CORO2B: variants seen among roughly 807,000 people sequenced by gnomAD.
The protein encoded by CORO2B is coronin 2B, also known as coronin-2B.
Under a neutral mutation model 58.8 loss-of-function variants are expected in CORO2B, and 26 were observed. The ratio of observed to expected loss-of-function variants is 0.44; its 90% CI spans 0.32 to 0.61. The LOEUF is 0.61. Ranked by LOEUF, CORO2B falls within the 20% of genes least tolerant of loss-of-function variation. The pLI, the probability that CORO2B is intolerant of heterozygous loss-of-function variation, is 0.04. For synonymous variants in CORO2B, 242 were observed against 253.8 expected, an observed-to-expected ratio of 0.95 and a Z score of 0.44; for missense variants, 460 against 645.1, an observed-to-expected ratio of 0.71 and a Z score of 3.11.
chr15:68,704,784 G>A (rs1483876316), intron 3 of CORO2B, among the ~76,000 whole-genome samples: 1 of 152,114 alleles, frequency 6.6e-6, no homozygotes, highest in Non-Finnish European at 1.5e-5. Context: ...CTGACCCAGG[G>A]ACCTGTAAAG....
intron 2 of CORO2B, among the ~76,000 whole-genome samples, chr15:68,669,328 G>A (rs1275200987): frequency 6.6e-6 from 1 of 152,190 alleles, no homozygotes; most frequent in African/African-American, 2.4e-5. Context: ...ACACAACTGG[G>A]TGTGTGAAAT....
chr15:68,697,377 T>C (rs1460050262), intron 3 of CORO2B, among the ~76,000 whole-genome samples: 6 of 152,174 alleles, frequency 3.9e-5, no homozygotes, highest in African/African-American at 1.4e-4. Flanking sequence ...GAATGAAAGA[T>C]AAACACATGA....
chr15:68,717,449 C>A (rs545124785), intron 8 of CORO2B, among the ~76,000 whole-genome samples: 1 of 152,042 alleles, frequency 6.6e-6, no homozygotes, highest in Non-Finnish European at 1.5e-5. Context: ...AGAAGGAAGA[C>A]GGGGAGAACA....
intron 8 of CORO2B, 78 bp from the exon 9 acceptor site, chr15:68,718,619 TG>T: frequency 8.0e-7 from 1 of 1,252,228 alleles, no homozygotes; most frequent in Non-Finnish European, 1.2e-6. Flanking sequence ...GCCTTTCCCC[TG>T]GCCCAGAACA....
chr15:68,568,578 A>T, the CORO2B span, among the ~76,000 whole-genome samples: 3 of 152,228 alleles, frequency 2.0e-5, no homozygotes, highest in Admixed American at 6.5e-5. Context: ...TCTGGGATTT[A>T]AAAACATAAT....
At chr15:68,590,050 A>G (rs1899662095) in intron 1 of CORO2B, among the ~76,000 whole-genome samples, 1 of 152,056 alleles carries the variant, frequency 6.6e-6, no homozygotes, top group Admixed American at 6.5e-5. Flanking sequence ...TTTCTCTGAA[A>G]CCATGAGAAG....
chr15:68,621,808 G>GCCTA (rs1900529398), intron 1 of CORO2B, among the ~76,000 whole-genome samples: 5 of 150,660 alleles, frequency 3.3e-5, no homozygotes, highest in Admixed American at 6.6e-5. Flanking sequence ...CTAGGCTGGA[G>GCCTA]GACAGTGGTG....
chr15:68,529,242 A>T, the CORO2B span, among the ~76,000 whole-genome samples: 17 of 152,230 alleles, frequency 1.1e-4, no homozygotes, highest in Admixed American at 4.6e-4. Flanking sequence ...ATATGTTGGG[A>T]AGCATAAATC....
At chr15:68,528,221 A>G in the CORO2B span, among the ~76,000 whole-genome samples, 1 of 152,152 alleles carries the variant, frequency 6.6e-6, no homozygotes, top group South Asian at 2.1e-4. Context: ...CTGATGTTGG[A>G]AGGAAACCAT....
chr15:68,667,559 C>T (rs1902233762), intron 2 of CORO2B, among the ~76,000 whole-genome samples: 1 of 152,212 alleles, frequency 6.6e-6, no homozygotes, highest in South Asian at 2.1e-4. Flanking sequence ...GAGTCTTGGC[C>T]AAAGCCCCAC....
the CORO2B span, among the ~76,000 whole-genome samples, chr15:68,548,174 AAT>A: frequency 2.3e-4 from 33 of 146,348 alleles, no homozygotes; most frequent in African/African-American, 5.0e-4. Context: ...CCATCTTAAA[AAT>A]ATATATATAT....
chr15:68,683,636 G>T (rs1902866524), intron 2 of CORO2B, among the ~76,000 whole-genome samples: 1 of 152,134 alleles, frequency 6.6e-6, no homozygotes, highest in South Asian at 2.1e-4. Context: ...CCTTCCCTCT[G>T]CAGTATCCCT....
At chr15:68,676,465 CAAGGATAA>C (rs1301127725) in intron 2 of CORO2B, among the ~76,000 whole-genome samples, 1 of 152,172 alleles carries the variant, frequency 6.6e-6, no homozygotes, top group Non-Finnish European at 1.5e-5. Context: ...AAGGGGTCTG[CAAGGATAA>C]CCACCGCTGC....
intron 1 of CORO2B, chr15:68,616,444 G>A (rs1032045645): frequency 3.5e-6 from 2 of 567,886 alleles, no homozygotes; most frequent in Admixed American, 6.3e-5. Context: ...CTTGCTCAAG[G>A]TCACCCAGCC....
At chr15:68,532,592 T>C in the CORO2B span, among the ~76,000 whole-genome samples, 1 of 152,252 alleles carries the variant, frequency 6.6e-6, no homozygotes, top group Non-Finnish European at 1.5e-5. Flanking sequence ...TGTTTGCTAA[T>C]CTTGTCATCT....
chr15:68,544,252 T>A, the CORO2B span, among the ~76,000 whole-genome samples: 1 of 152,200 alleles, frequency 6.6e-6, no homozygotes, highest in Non-Finnish European at 1.5e-5. Context: ...ACTGATGATA[T>A]CTTCCCCAGA....
At chr15:68,705,926 C>T (rs1039555612) in intron 3 of CORO2B, among the ~76,000 whole-genome samples, 17 of 152,338 alleles carry the variant, frequency 1.1e-4, no homozygotes, top group East Asian at 5.8e-4. Flanking sequence ...TCAGCTAGTA[C>T]GTGAGACTGG....
chr15:68,678,396 G>A (rs1416361444), intron 2 of CORO2B, among the ~76,000 whole-genome samples: 3 of 152,184 alleles, frequency 2.0e-5, no homozygotes, highest in African/African-American at 7.2e-5. Context: ...AGAAAAGACA[G>A]CAGGCGGTGG....
rs1408310670 is a variant in CORO2B at position 68,710,281 on chromosome 15, G to A, written c.334-451G>A. 1.3e-5 allele frequency among the ~76,000 whole-genome samples: 2 copies of A among 152,196 alleles called. No individual in the cohort carries two copies. The highest frequency in any genetic ancestry group is 2.9e-5 in the Non-Finnish European group (2 of 68,032). On this transcript the variant is annotated intron_variant, in intron 3 of 11. Coordinates refer to ENST00000261861, the MANE Select transcript of CORO2B (RefSeq NM_006091.5). The surrounding 1 kb of genome is among the most constrained non-coding windows in gnomAD (Gnocchi z 4.1). ...CCCCCTGCCCAGGGGTCCATCCTGGGTGGGGGACACAGTGGGGGATAAGGC... is the reference window on the plus strand; with the variant it reads ...CCCCCTGCCCAGGGGTCCATCCTGGATGGGGGACACAGTGGGGGATAAGGC...
Sources: gnomAD v4.1 joint callset for allele counts (sites outside exome capture counted in the v4.1 genomes callset) on GRCh38, gnomAD v4.1.1 for gene constraint, Gnocchi (gnomAD v3.1) non-coding constraint, MANE v1.5 for transcripts, NCBI Gene and HGNC (gene_info 2026-07-23, HGNC 2026-07-21) for gene names.